Variants in TRIM64C observed in about 807,000 individuals in gnomAD.
TRIM64C encodes the protein tripartite motif containing 64C.
A neutral mutation model predicts 36.1 loss-of-function variants in TRIM64C; 25 were observed. The ratio of observed to expected loss-of-function variants is 0.69; its 90% CI spans 0.51 to 0.97. The LOEUF is 0.97. TRIM64C is among the 50% of genes least tolerant of loss of function. The pLI, the probability that TRIM64C is intolerant of heterozygous loss-of-function variation, is 0.00. For missense variants in TRIM64C, 489 were observed against 536.8 expected (o/e 0.91, Z 0.88); for synonymous variants, 212 against 185.7 (o/e 1.14, Z -1.15).
rs1366597389 is a variant in TRIM64C at position 49,055,453 on chromosome 11, A to AGG, written c.762-47_762-46insCC. 10 of 1,531,998 alleles carry AGG rather than the reference A, an allele frequency of 6.5e-6. No individual in the cohort carries two copies. In the African/African-American group the frequency reaches 1.4e-4, roughly 21 times the overall value. The allele number at this position is 1,531,998 out of a possible 1,614,324, so 94.9% of individuals were successfully genotyped here. On this transcript the variant is annotated intron_variant, in intron 4 of 5. Coordinates refer to ENST00000617704, the MANE Select transcript of TRIM64C (RefSeq NM_001206631.1). ...CAGTTATATTTCCAGGACCAGAGCT[A>AGG]ATCACACAGTCATATGAAGATATCA...
chr11:49,056,117 A>G (rs1186319738), intron 4 of TRIM64C, among the ~76,000 whole-genome samples: 2 of 151,682 alleles, frequency 1.3e-5, no homozygotes, highest in Non-Finnish European at 2.9e-5. Flanking sequence ...AGGGCTGGAC[A>G]GGAAGGATGG....
rs779694861 is a variant in TRIM64C at position 49,054,145 on chromosome 11, G to A, written c.922C>T (p.Arg308Cys). ...CGATGGTCATCTCCAAATATCACAC[G>A]TCTCACATCCTCAGAAAGGCTTATA... is the stretch of plus-strand genomic sequence containing the variant. ...CYISLSEDVR[R>C]VIFGDDHRSA... Residue 308 changes from arginine (R) to cysteine (C), a missense_variant, in exon 6 of 6, where the codon CGT becomes TGT. Transcript: ENST00000617704. 69 of 1,551,378 alleles carry A rather than the reference G, an allele frequency of 4.4e-5. No homozygotes were observed. Among genetic ancestry groups the A allele is most frequent in the East Asian group, 3.4e-4 (14 of 40,932 alleles).
Position 49,057,432 on chromosome 11 carries a change from T to G in TRIM64C, c.508-54A>C, listed in dbSNP as rs185932444. 9.9e-5 allele frequency: 150 copies of G among 1,518,704 alleles called. No individual in the cohort carries two copies. In the East Asian group the frequency reaches 2.5e-3, roughly 25 times the overall value. 94.1% of individuals were successfully genotyped at this position (1,518,704 alleles called of 1,614,324 possible). ...CATGTTCTCACTCTCAATAGAAAAC[T>G]TCAAATAATTATATGCTGGGTGTAA... On this transcript the variant is annotated intron_variant, in intron 2 of 5. Transcript: ENST00000617704.
At chr11:49,056,224 G>A in intron 4 of TRIM64C, 135 bp downstream of exon 4, 10 of 669,254 alleles carry the variant, frequency 1.5e-5, no homozygotes, top group Non-Finnish European at 5.2e-6. Context: ...AAGAGAAGAA[G>A]ATCTCAGGCC....
At chr11:49,057,565 A>T (rs1854828088) in intron 2 of TRIM64C, among the ~76,000 whole-genome samples, 187 bp from the exon 3 acceptor site, 4 of 151,704 alleles carry the variant, frequency 2.6e-5, no homozygotes, top group Admixed American at 6.6e-5. Flanking sequence ...CCCTTTTTAA[A>T]TCAAACCAAT....
intron 4 of TRIM64C, among the ~76,000 whole-genome samples, chr11:49,056,019 CTT>C (rs76420814): frequency 6.0e-4 from 86 of 143,864 alleles, no homozygotes; most frequent in Non-Finnish European, 5.8e-4. Flanking sequence ...CTCGATCTGT[CTT>C]TTTTTTTTTT....
In TRIM64C at chr11:49,053,949, T is replaced by A; in HGVS notation, c.1118A>T (p.Asp373Val). The change falls in exon 6 of 6, where the codon GAC (aspartate) becomes GTC (valine). Residue 373 changes from aspartate to valine, a missense_variant. By Grantham distance (152) the Asp-to-Val change is radical. Coordinates refer to ENST00000617704, the MANE Select transcript of TRIM64C (RefSeq NM_001206631.1). ...TADTNIVIDS[D>V]KTFFSISSKT... ...TGAAGAAATTGAAAAAAATGTTTTG[T>A]CAGAATCAATAACTATATTGGTATC... The A allele has an allele frequency of 2.6e-6, 4 of 1,551,602 alleles. No individual in the cohort carries two copies. The highest frequency in any genetic ancestry group is 3.5e-6 in the Non-Finnish European group (4 of 1,146,852).
chr11:49,054,204 T>C lies in TRIM64C; in HGVS notation c.863A>G (p.Asp288Gly), dbSNP rs1854786133. The part of the protein sequence containing the change: ...VLDMLNNFRV[D>G]NALSTEMTPC... ...AGTCATTTCTGTACTCAGAGCATTA[T>C]CCACTGACAAGGAAAAAATATTATA... The change falls in exon 6 of 6, where the codon GAT (aspartate) becomes GGT (glycine). Residue 288 changes from aspartate to glycine, a missense_variant. Asp to Gly is a moderately conservative substitution (Grantham distance 94, BLOSUM62 -1). Coordinates refer to ENST00000617704, the MANE Select transcript of TRIM64C (RefSeq NM_001206631.1). 1 of 1,551,118 alleles carries C rather than the reference T, an allele frequency of 6.4e-7. No individual in the cohort carries two copies. The highest frequency in any genetic ancestry group is 1.4e-5 in the African/African-American group (1 of 73,110).
At chr11:49,056,815 CAG>C (rs927866570) in intron 3 of TRIM64C, among the ~76,000 whole-genome samples, 1 of 151,864 alleles carries the variant, frequency 6.6e-6, no homozygotes, top group Non-Finnish European at 1.5e-5. Context: ...GTGTGGACAT[CAG>C]AGAGTGAGGA....
At chr11:49,055,176 A>G (rs1313636146) in intron 5 of TRIM64C, 134 bp downstream of exon 5, 2 of 1,047,390 alleles carry the variant, frequency 1.9e-6, no homozygotes, top group Non-Finnish European at 2.7e-6. Flanking sequence ...GCAGGTAGAG[A>G]AGATGCACAT....
At chr11:49,055,160 T>C in intron 5 of TRIM64C, 150 bp downstream of exon 5, 1 of 920,386 alleles carries the variant, frequency 1.1e-6, no homozygotes, top group Non-Finnish European at 1.6e-6. Flanking sequence ...ATTGTAATAT[T>C]ACTATGCAGG....
intron 1 of TRIM64C, 28 bp downstream of exon 1, chr11:49,058,673 A>G (rs1049747604): frequency 3.2e-6 from 5 of 1,539,778 alleles, no homozygotes; most frequent in African/African-American, 2.8e-5. Context: ...GATATTCTGT[A>G]TAATTCAAAC....
Position 49,054,170 on chromosome 11 carries a change from A to G in TRIM64C, c.897T>C (p.Tyr299=), listed in dbSNP as rs1854785361. ...GTCTCACATCCTCAGAAAGGCTTAT[A>G]TAGCAAGGAGTCATTTCTGTACTCA... ...NALSTEMTPC[Y]ISLSEDVRRV... The change falls in exon 6 of 6, where the codon TAT becomes TAC. Residue 299 remains tyrosine, a synonymous_variant. Coordinates refer to ENST00000617704, the MANE Select transcript of TRIM64C (RefSeq NM_001206631.1). 6 of 1,551,476 alleles carry G rather than the reference A, an allele frequency of 3.9e-6. No homozygotes were observed. The highest frequency in any genetic ancestry group is 2.0e-5 in the Admixed American group (1 of 50,976).
At chr11:49,057,932 C>A in intron 2 of TRIM64C, 146 bp downstream of exon 2, 1 of 592,632 alleles carries the variant, frequency 1.7e-6, no homozygotes, top group Non-Finnish European at 2.9e-6. Context: ...TCTCTGTTTG[C>A]AATTCCTATT....
rs556188637 is a variant in TRIM64C, at chr11:49,057,341, T to G, written c.545A>C (p.Gln182Pro). Residue 182 changes from glutamine (Q) to proline (P), a missense_variant, in exon 3 of 6, where the codon CAG (glutamine) becomes CCG (proline). By Grantham distance (76) the Gln-to-Pro change is moderately conservative. Coordinates refer to ENST00000617704, the MANE Select transcript of TRIM64C (RefSeq NM_001206631.1). ...VSLRKVIITIQYQKMHIFLDE... is the reference protein window; with the variant it reads ...VSLRKVIITIPYQKMHIFLDE... Reference sequence around the variant, plus strand: ...GAGAAATATATGCATCTTTTGATACTGAATAGTGATTATCACCTTCCTTAA... The same window carrying G: ...GAGAAATATATGCATCTTTTGATACGGAATAGTGATTATCACCTTCCTTAA... The G allele has an allele frequency of 6.4e-5, 99 of 1,549,846 alleles. 3 individuals carry two copies. In the African/African-American group the frequency reaches 1.3e-3, roughly 20 times the overall value.
chr11:49,058,892 G>A lies in TRIM64C; in HGVS notation c.221C>T (p.Ala74Val). ...AGGTCTGGTCTGTCTGGCTAGGGAA[G>A]CCAGCTTTTTGAGTGCCACATTGGT... ...FNTNVALKKL[A>V]SLARQTRPQN... The change falls in exon 1 of 6, where the codon GCT becomes GTT. Residue 74 changes from alanine to valine, a missense_variant. Transcript: ENST00000617704. The A allele has an allele frequency of 6.4e-7, 1 of 1,550,472 alleles. No homozygotes were observed. The highest frequency in any genetic ancestry group is 8.7e-7 in the Non-Finnish European group (1 of 1,146,934).
Position 49,055,414 on chromosome 11 carries a change from A to AAC in TRIM64C, c.762-8_762-7insGT, listed in dbSNP as rs1361170859. 1 of 1,535,102 alleles carries AAC rather than the reference A, an allele frequency of 6.5e-7. No individual in the cohort carries two copies. The highest frequency in any genetic ancestry group is 8.7e-7 in the Non-Finnish European group (1 of 1,146,560). Reference sequence around the variant, plus strand: ...CATCTGTGCCAAATCAGTTCTGCAAAAAAAAAATGGCCTCAGTTATATTTC... The same window carrying AAC: ...CATCTGTGCCAAATCAGTTCTGCAAAACAAAAAAATGGCCTCAGTTATATTTC... On this transcript the variant is annotated splice_region_variant and splice_polypyrimidine_tract_variant and intron_variant, in intron 4 of 5. Coordinates refer to ENST00000617704, the MANE Select transcript of TRIM64C (RefSeq NM_001206631.1).
intron 2 of TRIM64C, 62 bp from the exon 3 acceptor site, chr11:49,057,440 AT>A (rs1309147244): frequency 2.7e-6 from 4 of 1,499,400 alleles, no homozygotes; most frequent in Non-Finnish European, 3.6e-6. Context: ...ACTTCAAATA[AT>A]TATATGCTGG....
chr11:49,058,625 A>G (rs1854842629), intron 1 of TRIM64C, 76 bp downstream of exon 1: 13 of 1,526,882 alleles, frequency 8.5e-6, no homozygotes, highest in Non-Finnish European at 1.1e-5. Flanking sequence ...CTGCATTCTC[A>G]TCACCATCAT....
Sources: gnomAD v4.1 joint callset for allele counts (sites outside exome capture counted in the v4.1 genomes callset) on GRCh38, gnomAD v4.1.1 for gene constraint, MANE v1.5 for transcripts, NCBI Gene and HGNC (gene_info 2026-07-23, HGNC 2026-07-21) for gene names.